The following IL1RAPL1 variants were observed in gnomAD, a reference collection of about 807,000 sequenced individuals.
IL1RAPL1 encodes the protein interleukin-1 receptor accessory protein-like 1.
A neutral mutation model predicts 48.4 loss-of-function variants in IL1RAPL1; 3 were observed. The observed-to-expected ratio is 0.06, with a 90% CI of 0.03 to 0.16. The LOEUF is 0.16. Among genes scored for constraint, IL1RAPL1 ranks in the 10% least tolerant of loss-of-function variants. The probability of loss-of-function intolerance (pLI) is 1.00; values close to 1 mark genes in which losing one functional copy is unlikely to be tolerated. For synonymous variants in IL1RAPL1, 185 were observed against 187.7 expected, an observed-to-expected ratio of 0.99 and a Z score of 0.12; for missense variants, 349 against 530.6, an observed-to-expected ratio of 0.66 and a Z score of 3.36.
chrX:28,949,281 T>G (rs999266149), intron 2 of IL1RAPL1, among the ~76,000 whole-genome samples: 1 of 110,917 alleles, frequency 9.0e-6, no homozygotes, highest in African/African-American at 3.3e-5. Context: ...TTTTGTTTTT[T>G]TTTTTTGTTT....
intron 5 of IL1RAPL1, among the ~76,000 whole-genome samples, chrX:29,504,763 G>A (rs1935310511): frequency 8.9e-6 from 1 of 112,163 alleles, no homozygotes; most frequent in Admixed American, 9.4e-5. Context: ...CAGCATATGG[G>A]TAGGACTTGT....
chrX:29,442,089 C>T (rs956968387), intron 5 of IL1RAPL1, among the ~76,000 whole-genome samples: 2 of 111,789 alleles, frequency 1.8e-5, no homozygotes, highest in African/African-American at 6.5e-5. Context: ...GTTTTTAGAG[C>T]CTGCATAGCC....
chrX:29,741,543 A>C (rs1439943124), intron 6 of IL1RAPL1, among the ~76,000 whole-genome samples: 2 of 111,482 alleles, frequency 1.8e-5, no homozygotes, highest in Admixed American at 1.9e-4. Flanking sequence ...TGAATCTTAC[A>C]AATGAGGGAT....
At chrX:29,126,201 A>T (rs1368404111) in intron 2 of IL1RAPL1, among the ~76,000 whole-genome samples, 1 of 111,664 alleles carries the variant, frequency 9.0e-6, no homozygotes, top group African/African-American at 3.3e-5. Flanking sequence ...TTTTTTCCAC[A>T]TATGGCTTTG....
Position 29,564,771 on chromosome X carries a change from A to G in IL1RAPL1, c.704-103659A>G, listed in dbSNP as rs758602267. On this transcript the variant is annotated intron_variant, in intron 5 of 10. Coordinates refer to ENST00000378993, the MANE Select transcript of IL1RAPL1 (RefSeq NM_014271.4). ...GAGTTAGCAAATATATTAATTTCCT[A>G]TTGTTGTTGTTATAAATTATTACAA... Among the ~76,000 whole-genome samples, 49 of 112,989 alleles carry G rather than the reference A, an allele frequency of 4.3e-4. 1 individual carries two copies. The highest frequency in any genetic ancestry group is 8.6e-4 in the Non-Finnish European group (46 of 53,371).
chrX:29,456,103 C>T (rs1429202662), intron 5 of IL1RAPL1, among the ~76,000 whole-genome samples: 1 of 110,830 alleles, frequency 9.0e-6, no homozygotes, highest in East Asian at 2.8e-4. Flanking sequence ...TTTAGAAGCC[C>T]ATGTCTACCC....
chrX:29,522,309 A>G (rs1935511256), intron 5 of IL1RAPL1, among the ~76,000 whole-genome samples: 1 of 110,472 alleles, frequency 9.1e-6, no homozygotes, highest in Non-Finnish European at 1.9e-5. Context: ...ACAGGTGCAT[A>G]CCACCACACT....
At chrX:28,831,026 C>CTCTGTG (rs1438889606) in intron 2 of IL1RAPL1, among the ~76,000 whole-genome samples, 421 of 33,649 alleles carry the variant, frequency 0.013, 20 homozygotes, top group Non-Finnish European at 0.016. Flanking sequence ...CTCTCTCTCT[C>CTCTGTG]TGTGTGTGTG....
At chrX:28,733,087 A>G (rs1292660481) in intron 1 of IL1RAPL1, among the ~76,000 whole-genome samples, 1 of 108,665 alleles carries the variant, frequency 9.2e-6, no homozygotes, top group Non-Finnish European at 1.9e-5. Context: ...ACAATTTATT[A>G]TACAGGTGTG....
At chrX:29,013,732 A>G (rs1289580964) in intron 2 of IL1RAPL1, among the ~76,000 whole-genome samples, 1 of 110,760 alleles carries the variant, frequency 9.0e-6, no homozygotes, top group African/African-American at 3.3e-5. Context: ...TGGGGGAGGG[A>G]GAGCATCAAG....
chrX:29,306,996 C>T (rs1932636486), intron 3 of IL1RAPL1, among the ~76,000 whole-genome samples: 1 of 111,139 alleles, frequency 9.0e-6, no homozygotes, highest in Non-Finnish European at 1.9e-5. Flanking sequence ...ACACAAAAGC[C>T]CTTTACCGTC....
At chrX:29,760,027 G>A (rs538114941) in intron 6 of IL1RAPL1, among the ~76,000 whole-genome samples, 1 of 111,939 alleles carries the variant, frequency 8.9e-6, no homozygotes, top group African/African-American at 3.2e-5. Context: ...TTCACCCTTA[G>A]TACATGGGGT....
chrX:28,964,843 G>A (rs1468673338), intron 2 of IL1RAPL1, among the ~76,000 whole-genome samples: 2 of 110,860 alleles, frequency 1.8e-5, no homozygotes, highest in African/African-American at 6.5e-5. Flanking sequence ...TCTAAGGTTT[G>A]GGATCAGAGT....
intron 2 of IL1RAPL1, among the ~76,000 whole-genome samples, chrX:29,035,154 C>T (rs1032181312): frequency 6.3e-5 from 7 of 111,370 alleles, no homozygotes; most frequent in Admixed American, 9.6e-5. Context: ...GGGGTTTCAC[C>T]GTGTTAGCCA....
intron 5 of IL1RAPL1, among the ~76,000 whole-genome samples, chrX:29,409,201 T>G (rs1192774724): frequency 1.8e-5 from 2 of 112,340 alleles, no homozygotes; most frequent in African/African-American, 6.5e-5. Context: ...TTCCAGACTT[T>G]ACTTTGTATG....
At position 29,699,149 on chromosome X, in the gene IL1RAPL1, A is replaced by T. The variant is rs141666337; in HGVS notation, c.778+30645A>T. Among the ~76,000 whole-genome samples the T allele has an allele frequency of 5.3e-3, 600 of 112,599 alleles. 5 individuals carry two copies. Among genetic ancestry groups the T allele is most frequent in the African/African-American group, 0.018 (562 of 31,095 alleles). ...AATTATGAAAGGATTTACAATGAAAAGTCTATGTGCCAACCCCAGCTACTC... is the reference window on the plus strand; with the variant it reads ...AATTATGAAAGGATTTACAATGAAATGTCTATGTGCCAACCCCAGCTACTC... On this transcript the variant is annotated intron_variant, in intron 6 of 10. Transcript: ENST00000378993.
intron 3 of IL1RAPL1, among the ~76,000 whole-genome samples, chrX:29,366,423 C>T (rs1195323452): frequency 1.8e-5 from 2 of 110,066 alleles, no homozygotes; most frequent in Non-Finnish European, 3.8e-5. Context: ...TTTGCAAATG[C>T]TAAAGAGAAG....
chrX:29,031,909 A>G (rs757656955), intron 2 of IL1RAPL1, among the ~76,000 whole-genome samples: 1 of 112,073 alleles, frequency 8.9e-6, no homozygotes, highest in South Asian at 3.7e-4. Context: ...AAGTTTCTTC[A>G]TATGTCAAAG....
At chrX:29,809,242 G>A (rs988237588) in intron 6 of IL1RAPL1, among the ~76,000 whole-genome samples, 17 of 106,910 alleles carry the variant, frequency 1.6e-4, no homozygotes, top group African/African-American at 4.8e-4. Flanking sequence ...GATTACAGGC[G>A]CTCGCCACCA....
Sources: gnomAD v4.1 joint callset for allele counts (sites outside exome capture counted in the v4.1 genomes callset) on GRCh38, gnomAD v4.1.1 for gene constraint, MANE v1.5 for transcripts, NCBI Gene and HGNC (gene_info 2026-07-23, HGNC 2026-07-21) for gene names.